Variants in MROH6 observed in about 807,000 individuals in gnomAD.
MROH6 encodes the protein maestro heat like repeat family member 6.
MROH6 carries 62 observed loss-of-function variants against 67.7 expected under a neutral mutation model. The observed-to-expected ratio is 0.92, with a 90% CI of 0.75 to 1.13. MROH6 has a LOEUF of 1.13. MROH6 is among the 50% of genes most tolerant of loss of function. The pLI is 0.00. For synonymous variants in MROH6, 566 were observed against 470.8 expected, an observed-to-expected ratio of 1.20 and a Z score of -2.62; for missense variants, 1,175 against 1,029.1, an observed-to-expected ratio of 1.14 and a Z score of -1.94.
chr8:143,569,173 C>CG (rs1346380595), intron 9 of MROH6, among the ~76,000 whole-genome samples: 212 of 702 alleles, frequency 0.3, 35 homozygotes, highest in African/African-American at 0.49. Flanking sequence ...ACTAGAGGGG[C>CG]GGGCGGGGCC....
In MROH6 at chr8:143,572,677, T is replaced by C; in HGVS notation, c.38A>G (p.Glu13Gly). 6.5e-7 allele frequency: 1 copy of C among 1,533,876 alleles called. No individual in the cohort carries two copies. Among genetic ancestry groups the C allele is most frequent in the Non-Finnish European group, 8.7e-7 (1 of 1,143,788 alleles). ...GGVWGRSRAR[E>G]APVGALTLTA... Reference sequence around the variant, plus strand: ...CAGGGTTAGAGCCCCCACGGGAGCCTCCCGGGCCCGGCTCCGGCCCCACAC... The same window carrying C: ...CAGGGTTAGAGCCCCCACGGGAGCCCCCCGGGCCCGGCTCCGGCCCCACAC... The change falls in exon 1 of 14, where the codon GAG becomes GGG. Residue 13 changes from glutamate to glycine, a missense_variant. Transcript: ENST00000398882.
Position 143,567,345 on chromosome 8 carries a change from C to A in MROH6, c.2054G>T (p.Arg685Leu), listed in dbSNP as rs745975150. 3 of 1,219,360 alleles carry A rather than the reference C, an allele frequency of 2.5e-6. No individual in the cohort carries two copies. The highest frequency in any genetic ancestry group is 1.6e-5 in the African/African-American group (1 of 63,770). 75.5% of individuals were successfully genotyped at this position (1,219,360 alleles called of 1,614,324 possible). A position where few individuals can be genotyped will look rare whatever the true frequency, so the allele number is the denominator to read the frequency against. ...GGGCCGGGCGGGGCGCGGGGCGATGCGGAGAAGGCGGGGCCCGCGGGGGCA... is the reference window on the plus strand; with the variant it reads ...GGGCCGGGCGGGGCGCGGGGCGATGAGGAGAAGGCGGGGCCCGCGGGGGCA... The part of the protein sequence containing the change: ...RGCPRGPRLL[R>L]IAPRPARPPP... Residue 685 changes from arginine to leucine, a missense_variant, in exon 14 of 14, where the codon CGC becomes CTC. Transcript: ENST00000398882.
intron 2 of MROH6, 44 bp downstream of exon 2, chr8:143,571,989 G>A (rs369121513): frequency 1.0e-5 from 16 of 1,558,626 alleles, no homozygotes; most frequent in Middle Eastern, 1.9e-4. Context: ...CTTGGTGCCC[G>A]AACCGGCAGG....
rs1240425321 is a variant in MROH6, at chr8:143,570,061, T to C, written c.1048A>G (p.Met350Val). The C allele has an allele frequency of 1.2e-6, 2 of 1,610,308 alleles. No homozygotes were observed. Among genetic ancestry groups the C allele is most frequent in the South Asian group, 1.1e-5 (1 of 91,076 alleles). ...AGGTGGTGGTCGGCATGTGCCACCA[T>C]AGCACTGGGGTGGGTGGAAATGGGA... ...LEGVLLLASAMVAHADHHLRG... is the reference protein window; with the variant it reads ...LEGVLLLASAVVAHADHHLRG... Residue 350 changes from methionine (M) to valine (V), a missense_variant, in exon 7 of 14, where the codon ATG becomes GTG. By Grantham distance (21) the Met-to-Val change is conservative. Transcript: ENST00000398882.
intron 1 of MROH6, 47 bp downstream of exon 1, chr8:143,572,374 A>G (rs1413487677): frequency 6.0e-6 from 9 of 1,501,016 alleles, no homozygotes; most frequent in African/African-American, 1.4e-5. Context: ...TACCATCCAC[A>G]GGACCCCCAG....
At position 143,569,714 on chromosome 8, in the gene MROH6, C is replaced by T. The variant is rs775596470; in HGVS notation, c.1285G>A (p.Ala429Thr). ...TCTCACACCTTCCTGCGATTCAGCG[C>T]GAGGTGGCCCAGGCCCAGCAGGCCC... ...WLGLLGLGHL[A>T]LNRRKVRHVS... Residue 429 changes from alanine (A) to threonine (T), a missense_variant, in exon 8 of 14, where the codon GCG becomes ACG. Ala to Thr is a moderately conservative substitution (Grantham distance 58). Transcript: ENST00000398882. 2.2e-5 allele frequency: 36 copies of T among 1,612,898 alleles called. No homozygotes were observed. In the African/African-American group the frequency reaches 4.5e-4, roughly 20 times the overall value.
At position 143,566,224 on chromosome 8, in the gene MROH6, T is replaced by C. The variant is rs961413069; in HGVS notation, c.*1015A>G. 6.6e-6 allele frequency: 1 copy of C among 152,260 alleles called. No homozygotes were observed. The highest frequency in any genetic ancestry group is 1.5e-5 in the Non-Finnish European group (1 of 68,054). The allele number at this position is 152,260 out of a possible 1,614,324, so 9.4% of individuals were successfully genotyped here. A position where few individuals can be genotyped will look rare whatever the true frequency, so the allele number is the denominator to read the frequency against. Reference sequence around the variant, plus strand: ...CCACGTGTGTTTATTTTAGATGCTTTCTGTGTGGGAGCTGGGGAGACAGGT... The same window carrying C: ...CCACGTGTGTTTATTTTAGATGCTTCCTGTGTGGGAGCTGGGGAGACAGGT... On this transcript the variant is annotated 3_prime_UTR_variant, in exon 14 of 14. Coordinates refer to ENST00000398882, the MANE Select transcript of MROH6 (RefSeq NM_001100878.2).
Position 143,568,136 on chromosome 8 carries a change from A to G in MROH6, c.1764+6T>C, listed in dbSNP as rs375095708. 53 of 1,601,022 alleles carry G rather than the reference A, an allele frequency of 3.3e-5. No homozygotes were observed. Among genetic ancestry groups the G allele is most frequent in the Middle Eastern group, 1.7e-4 (1 of 6,052 alleles). The stretch of plus-strand genomic sequence containing the variant: ...CCCTTGCGGTCACCTTGCTTCCCCT[A>G]CTGACCAGGCGGCAGCAGAGGTGGC... On this transcript the variant is annotated splice_donor_region_variant and intron_variant, in intron 11 of 13. Coordinates refer to ENST00000398882, the MANE Select transcript of MROH6 (RefSeq NM_001100878.2).
intron 13 of MROH6, 39 bp downstream of exon 13, chr8:143,567,572 G>A (rs1420061189): frequency 1.1e-5 from 17 of 1,534,314 alleles, no homozygotes; most frequent in African/African-American, 2.8e-5. Flanking sequence ...CACCAGCCAC[G>A]TCTCCAGGAC....
chr8:143,569,806 C>T lies in MROH6; in HGVS notation c.1193G>A (p.Arg398Gln). 6.2e-7 allele frequency: 1 copy of T among 1,611,676 alleles called. No individual in the cohort carries two copies. The highest frequency in any genetic ancestry group is 1.1e-5 in the South Asian group (1 of 90,940). Residue 398 changes from arginine to glutamine, a missense_variant, in exon 8 of 14, where the codon CGG becomes CAG. Arg to Gln is a conservative substitution (Grantham distance 43). Transcript: ENST00000398882. The part of the protein sequence containing the change: ...LQSRPTARLL[R>Q]EEVILERLLT... ...GAGTCGCTCCAGGATGACCTCCTCCCGCAGGAGCCGTGCGGTGGGCCGGCT... is the reference window on the plus strand; with the variant it reads ...GAGTCGCTCCAGGATGACCTCCTCCTGCAGGAGCCGTGCGGTGGGCCGGCT...
In MROH6 at chr8:143,567,291, TG is replaced by T. The variant is rs1468037177; in HGVS notation, c.2107del (p.Gln703SerfsTer116). 1 of 1,220,842 alleles carries T rather than the reference TG, an allele frequency of 8.2e-7. No individual in the cohort carries two copies. Among genetic ancestry groups the T allele is most frequent in the Non-Finnish European group, 1.0e-6 (1 of 981,108 alleles). 75.6% of individuals were successfully genotyped at this position (1,220,842 alleles called of 1,614,324 possible). ...PPPVFADSPF[Q>X]RRSVAGRWGC... Reference sequence around the variant, plus strand: ...CCAGCGGCCCGCGACGCTCCGGCGCTGGAAGGGGCTGTCGGCGAAGACTGGT... The same window carrying T: ...CCAGCGGCCCGCGACGCTCCGGCGCTGAAGGGGCTGTCGGCGAAGACTGGT... On this transcript the variant is annotated frameshift_variant, in exon 14 of 14. Transcript: ENST00000398882. LOFTEE classifies it low-confidence loss of function (END_TRUNC).
chr8:143,570,225 C>CCTCCTCACT lies in MROH6; in HGVS notation c.1043+17_1043+18insAGTGAGGAG. ...CTTCCTGGTGTGACACCCTGGGGCC[C>CCTCCTCACT]CTCCTCACCCTCCTCACCTGGCCAG... On this transcript the variant is annotated intron_variant, in intron 6 of 13. Coordinates refer to ENST00000398882, the MANE Select transcript of MROH6 (RefSeq NM_001100878.2). 6.4e-7 allele frequency: 1 copy of CCTCCTCACT among 1,561,958 alleles called. No individual in the cohort carries two copies. The highest frequency in any genetic ancestry group is 8.7e-7 in the Non-Finnish European group (1 of 1,155,638).
intron 9 of MROH6, among the ~76,000 whole-genome samples, chr8:143,569,223 G>A (rs1324012126): frequency 3.0e-5 from 2 of 67,214 alleles, no homozygotes; most frequent in Non-Finnish European, 6.1e-5. Flanking sequence ...GTAGGGGCGG[G>A]GCGGGGCATG....
chr8:143,568,272 G>A lies in MROH6; in HGVS notation c.1645-11C>T, dbSNP rs766002012. 14 of 1,602,928 alleles carry A rather than the reference G, an allele frequency of 8.7e-6. No homozygotes were observed. The Middle Eastern group carries it at 6.7e-4, about 77-fold the overall frequency. On this transcript the variant is annotated splice_polypyrimidine_tract_variant and intron_variant, in intron 10 of 13. Transcript: ENST00000398882. ...GGTCCACTCTGAGCTCTGGGATAGG[G>A]GAAGTGAGCCGGGTCAGGGGTCCAG...
intron 1 of MROH6, 84 bp from the exon 2 acceptor site, chr8:143,572,269 C>T (rs963851270): frequency 2.6e-6 from 4 of 1,562,468 alleles, no homozygotes; most frequent in Non-Finnish European, 3.5e-6. Context: ...ACCTGGCTTC[C>T]TACAAAATCC....
At chr8:143,570,818 C>A in intron 4 of MROH6, 59 bp downstream of exon 4, 1 of 1,413,462 alleles carries the variant, frequency 7.1e-7, no homozygotes, top group South Asian at 1.3e-5. Context: ...CCATCCTCCC[C>A]GCTCCTCGCC....
In MROH6 at chr8:143,567,826, A is replaced by G. The variant is rs200168332; in HGVS notation, c.1827T>C (p.Ser609=). 1.2e-4 allele frequency: 190 copies of G among 1,533,200 alleles called. 1 individual carries two copies. In the Middle Eastern group the frequency reaches 2.7e-3, roughly 22 times the overall value. The allele number at this position is 1,533,200 out of a possible 1,614,324, so 95.0% of individuals were successfully genotyped here. A position where few individuals can be genotyped will look rare whatever the true frequency, so the allele number is the denominator to read the frequency against. The change falls in exon 12 of 14, where the codon AGT becomes AGC. Residue 609 remains serine (S), a synonymous_variant. Coordinates refer to ENST00000398882, the MANE Select transcript of MROH6 (RefSeq NM_001100878.2). Reference sequence around the variant, plus strand: ...CTGCCCGGCGCAGGGGGTCCTGTGGACTCCGCAGGTAGCCCTGGGTCTGGC... The same window carrying G: ...CTGCCCGGCGCAGGGGGTCCTGTGGGCTCCGCAGGTAGCCCTGGGTCTGGC... ...FLSQTQGYLR[S]PQDPLRRAAA... is the part of the protein sequence containing the mutation.
At chr8:143,569,672 C>G in intron 8 of MROH6, 25 bp downstream of exon 8, 1 of 1,609,764 alleles carries the variant, frequency 6.2e-7, no homozygotes, top group Non-Finnish European at 8.5e-7. Context: ...CCAAGCCCCT[C>G]TCCACCCCTC....
chr8:143,567,555 G>A lies in MROH6; in HGVS notation c.1933+56C>T, dbSNP rs1161808000. 21 of 1,516,360 alleles carry A rather than the reference G, an allele frequency of 1.4e-5. 1 individual carries two copies. The highest frequency in any genetic ancestry group is 2.1e-4 in the Middle Eastern group (1 of 4,654). 93.9% of individuals were successfully genotyped at this position (1,516,360 alleles called of 1,614,324 possible). ...TCCACCCACCGCTCCCGTCCACTCCGCCCTAGCACCAGCCACGTCTCCAGG... is the reference window on the plus strand; with the variant it reads ...TCCACCCACCGCTCCCGTCCACTCCACCCTAGCACCAGCCACGTCTCCAGG... On this transcript the variant is annotated intron_variant, in intron 13 of 13. Coordinates refer to ENST00000398882, the MANE Select transcript of MROH6 (RefSeq NM_001100878.2).
Sources: allele counts gnomAD v4.1 joint callset (sites outside exome capture counted in the v4.1 genomes callset), GRCh38; gene constraint gnomAD v4.1.1; transcripts MANE v1.5; gene names NCBI Gene and HGNC (gene_info 2026-07-23, HGNC 2026-07-21).